Variants in PARVA observed in about 807,000 individuals in gnomAD.
PARVA encodes the protein alpha-parvin.
In PARVA, 25 loss-of-function variants were observed where a neutral mutation model predicts 52.6. That is an observed-to-expected ratio of 0.48 (90% CI 0.35 to 0.66). The LOEUF (loss-of-function observed/expected upper bound fraction) is 0.66, where lower values mean the gene tolerates loss of function less well. Among genes scored for constraint, PARVA ranks in the 30% least tolerant of loss-of-function variants. The pLI is 0.01. For missense variants in PARVA, 373 were observed against 450.9 expected, an observed-to-expected ratio of 0.83 and a Z score of 1.56; for synonymous variants, 185 against 179.1, an observed-to-expected ratio of 1.03 and a Z score of -0.26.
chr11:12,405,513 G>C (rs190614893), intron 1 of PARVA, among the ~76,000 whole-genome samples: 273 of 152,220 alleles, frequency 1.8e-3, no homozygotes, highest in African/African-American at 6.1e-3. Context: ...GCAGTGAGCC[G>C]TGAGTCCACC....
At chr11:12,440,612 G>T (rs926240433) in intron 1 of PARVA, among the ~76,000 whole-genome samples, 1 of 152,218 alleles carries the variant, frequency 6.6e-6, no homozygotes, top group Admixed American at 6.5e-5. Flanking sequence ...TGGCTGGGCA[G>T]GGTTTTTATC....
At chr11:12,444,519 G>C (rs1940518830) in intron 1 of PARVA, among the ~76,000 whole-genome samples, 1 of 151,680 alleles carries the variant, frequency 6.6e-6, no homozygotes, top group African/African-American at 2.4e-5. Flanking sequence ...ATCAAAACTC[G>C]CTGCAGCCTG....
At position 12,500,723 on chromosome 11, in the gene PARVA, G is replaced by A. The variant is rs188319038; in HGVS notation, c.542-3591G>A. 5.0e-3 allele frequency among the ~76,000 whole-genome samples: 755 copies of A among 152,090 alleles called. 7 individuals carry two copies. The highest frequency in any genetic ancestry group is 0.02 in the Middle Eastern group (6 of 294). On this transcript the variant is annotated intron_variant, in intron 5 of 12. Transcript: ENST00000334956. ...GGAGATTCGCTTGAACCCAGGAGGC[G>A]GAGCTTGCAGTGAGCCAAGATTGCA... is the stretch of plus-strand genomic sequence containing the variant.
intron 1 of PARVA, among the ~76,000 whole-genome samples, chr11:12,408,751 C>A (rs1263515732): frequency 6.6e-6 from 1 of 152,066 alleles, no homozygotes; most frequent in African/African-American, 2.4e-5. Context: ...GTTTCTGACC[C>A]CATGGACCAG....
chr11:12,491,813 A>G (rs1167672722), intron 4 of PARVA, among the ~76,000 whole-genome samples: 3 of 152,228 alleles, frequency 2.0e-5, no homozygotes, highest in African/African-American at 7.2e-5. Flanking sequence ...CATAGAGAAT[A>G]TTTGAATAAT....
At position 12,443,169 on chromosome 11, in the gene PARVA, C is replaced by CTTTTTT. The variant is rs1180380526; in HGVS notation, c.137-30560_137-30555dup. Among the ~76,000 whole-genome samples the CTTTTTT allele has an allele frequency of 3.5e-3, 278 of 78,318 alleles. 18 individuals are homozygous for CTTTTTT. The highest frequency in any genetic ancestry group is 7.7e-3 in the East Asian group (19 of 2,466). The allele number at this position is 78,318 out of a possible 152,430, so 51.4% of individuals were successfully genotyped here. A position where few individuals can be genotyped will look rare whatever the true frequency, so the allele number is the denominator to read the frequency against. On this transcript the variant is annotated intron_variant, in intron 1 of 12. Transcript: ENST00000334956. ...AGCCACCATGCCCGGCGCCCCCCTT[C>CTTTTTT]TTTTTTTTTTTTTTTTTTTTTGAGA...
chr11:12,418,616 C>T (rs1410386244), intron 1 of PARVA, among the ~76,000 whole-genome samples: 6 of 152,166 alleles, frequency 3.9e-5, no homozygotes, highest in Non-Finnish European at 1.5e-5. Flanking sequence ...GATTCTCTAT[C>T]AGGCAACTGC....
intron 1 of PARVA, among the ~76,000 whole-genome samples, chr11:12,438,650 A>G (rs1940421519): frequency 6.6e-6 from 1 of 152,118 alleles, no homozygotes; most frequent in African/African-American, 2.4e-5. Flanking sequence ...AATATCCACT[A>G]AGGGCCTACT....
At chr11:12,496,331 T>C in intron 4 of PARVA, 127 bp from the exon 5 acceptor site, 1 of 408,082 alleles carries the variant, frequency 2.5e-6, no homozygotes, top group Non-Finnish European at 3.8e-6. Context: ...AGGCATCCAG[T>C]ATCTATTGTT....
chr11:12,471,025 A>G (rs1268173034), intron 1 of PARVA, among the ~76,000 whole-genome samples: 2 of 152,230 alleles, frequency 1.3e-5, no homozygotes, highest in African/African-American at 4.8e-5. Context: ...AGCCCACAAT[A>G]CTTGCCAGTG....
intron 1 of PARVA, among the ~76,000 whole-genome samples, chr11:12,424,010 A>G (rs1269556609): frequency 6.6e-6 from 1 of 152,154 alleles, no homozygotes; most frequent in Non-Finnish European, 1.5e-5. Flanking sequence ...AATTGTTATT[A>G]TGTTAATCTA....
intron 1 of PARVA, among the ~76,000 whole-genome samples, chr11:12,473,373 C>T (rs1184940868): frequency 6.6e-6 from 1 of 152,160 alleles, no homozygotes; most frequent in African/African-American, 2.4e-5. Context: ...CACACAGTCG[C>T]CGGGCACCAG....
chr11:12,421,398 C>T (rs1940147736), intron 1 of PARVA, among the ~76,000 whole-genome samples: 1 of 152,180 alleles, frequency 6.6e-6, no homozygotes, highest in African/African-American at 2.4e-5. Context: ...GTAACCTCAA[C>T]ACCATTTATC....
In PARVA at chr11:12,418,638, G is replaced by A. The variant is rs140199863; in HGVS notation, c.136+40855G>A. On this transcript the variant is annotated intron_variant, in intron 1 of 12. Coordinates refer to ENST00000334956, the MANE Select transcript of PARVA (RefSeq NM_018222.5). ...TATCAGGCAACTGCACCTCACTGGA[G>A]CCAAATTCCATCTTTATTCTGCTCC... Among the ~76,000 whole-genome samples the A allele has an allele frequency of 2.8e-4, 43 of 152,264 alleles. 1 individual carries two copies. Among genetic ancestry groups the A allele is most frequent in the African/African-American group, 9.4e-4 (39 of 41,552 alleles).
rs1369355562 is a variant in PARVA, at chr11:12,398,550, C to A, written c.136+20767C>A. On this transcript the variant is annotated intron_variant, in intron 1 of 12. Coordinates refer to ENST00000334956, the MANE Select transcript of PARVA (RefSeq NM_018222.5). Reference sequence around the variant, plus strand: ...CATTTCTACTTTTATAAGGGGTTCACAGTCTAGCCTCTAGGGACCCCCGTC... The same window carrying A: ...CATTTCTACTTTTATAAGGGGTTCAAAGTCTAGCCTCTAGGGACCCCCGTC... Among the ~76,000 whole-genome samples, 6 of 149,438 alleles carry A rather than the reference C, an allele frequency of 4.0e-5. No homozygotes were observed. The East Asian group carries it at 1.3e-3, about 31-fold the overall frequency.
At chr11:12,519,113 A>T (rs2059613) in intron 12 of PARVA, among the ~76,000 whole-genome samples, 149,905 of 152,330 alleles carry the variant, frequency 0.98, 73,800 homozygotes, top group Middle Eastern at 1. Flanking sequence ...GGTACGGATG[A>T]TTGCTTTCTG....
chr11:12,431,205 G>A (rs1157991902), intron 1 of PARVA, among the ~76,000 whole-genome samples: 3 of 152,176 alleles, frequency 2.0e-5, no homozygotes, highest in Non-Finnish European at 4.4e-5. Flanking sequence ...GTCCCCACTG[G>A]GGCCTGCCAG....
In PARVA at chr11:12,529,009, G is replaced by C. The variant is rs1179215457; in HGVS notation, c.*1084G>C. ...GTACAATATGCTCAGGCACCGCAGA[G>C]AGCTGGGCACGGGCCCATGTGAGCA... is the stretch of plus-strand genomic sequence containing the variant. On this transcript the variant is annotated 3_prime_UTR_variant, in exon 13 of 13. Transcript: ENST00000334956. 1.3e-5 allele frequency: 2 copies of C among 152,634 alleles called. No homozygotes were observed. 9.5% of individuals were successfully genotyped at this position (152,634 alleles called of 1,614,324 possible).
intron 1 of PARVA, among the ~76,000 whole-genome samples, chr11:12,411,908 A>G (rs1246892342): frequency 6.6e-6 from 1 of 152,138 alleles, no homozygotes; most frequent in East Asian, 1.9e-4. Flanking sequence ...TTCCTGCTGC[A>G]GGCACCCCCA....
Sources: gnomAD v4.1 joint callset for allele counts (sites outside exome capture counted in the v4.1 genomes callset) on GRCh38, gnomAD v4.1.1 for gene constraint, MANE v1.5 for transcripts, NCBI Gene and HGNC (gene_info 2026-07-23, HGNC 2026-07-21) for gene names.